The following RFX5 variants were observed in gnomAD, a reference collection of about 807,000 sequenced individuals.
RFX5 encodes the protein regulatory factor X5.
RFX5 carries 30 observed loss-of-function variants against 41.2 expected under a neutral mutation model. The ratio of observed to expected loss-of-function variants is 0.73; its 90% CI spans 0.54 to 0.99. RFX5 has a LOEUF of 0.99. Ranked by LOEUF, RFX5 falls within the 50% of genes least tolerant of loss-of-function variation. RFX5 has a pLI of 0.00. For synonymous variants in RFX5, 231 were observed against 291.8 expected, an observed-to-expected ratio of 0.79 and a Z score of 2.12; for missense variants, 715 against 773.6, an observed-to-expected ratio of 0.92 and a Z score of 0.90.
rs1650400728 is a variant in RFX5 at position 151,340,979 on chromosome 1, G to C, written c.*1207C>G. 6.6e-6 allele frequency: 1 copy of C among 152,600 alleles called. No individual in the cohort carries two copies. The highest frequency in any genetic ancestry group is 2.4e-5 in the African/African-American group (1 of 41,428). The allele number at this position is 152,600 out of a possible 1,614,324, so 9.5% of individuals were successfully genotyped here. A position where few individuals can be genotyped will look rare whatever the true frequency, so the allele number is the denominator to read the frequency against. On this transcript the variant is annotated 3_prime_UTR_variant, in exon 11 of 11. Transcript: ENST00000452671. ...TTGGTGCCGCCTGACCACAGAACTAGCTTTTTCCGTGACATCTAACCTAAA... is the reference window on the plus strand; with the variant it reads ...TTGGTGCCGCCTGACCACAGAACTACCTTTTTCCGTGACATCTAACCTAAA...
At position 151,343,193 on chromosome 1, in the gene RFX5, G is replaced by C. The variant is rs377295214; in HGVS notation, c.859-15C>G. On this transcript the variant is annotated splice_polypyrimidine_tract_variant and intron_variant, in intron 10 of 10. Transcript: ENST00000452671. The stretch of plus-strand genomic sequence containing the variant: ...TCCTTAGGAGGCTAAAAAGTAAAGA[G>C]AGGAACACAGTAAGGTGTGAAGAAT... 12 of 1,610,920 alleles carry C rather than the reference G, an allele frequency of 7.4e-6. No individual in the cohort carries two copies. The African/African-American group carries it at 1.6e-4, about 22-fold the overall frequency.
intron 4 of RFX5, chr1:151,345,470 G>C (rs1301129689): frequency 2.6e-6 from 1 of 381,172 alleles, no homozygotes; most frequent in Admixed American, 3.8e-5. Context: ...AAATTAGCTG[G>C]GTGTGGTGAC....
At position 151,340,856 on chromosome 1, in the gene RFX5, G is replaced by A. The variant is rs886045276; in HGVS notation, c.*1330C>T. 4.6e-5 allele frequency: 7 copies of A among 152,574 alleles called. No homozygotes were observed. The highest frequency in any genetic ancestry group is 1.0e-4 in the Non-Finnish European group (7 of 68,030). The allele number at this position is 152,574 out of a possible 1,614,324, so 9.5% of individuals were successfully genotyped here. On this transcript the variant is annotated 3_prime_UTR_variant, in exon 11 of 11. Transcript: ENST00000452671. ...GAAGAACCAAGATTCCCTGACAGAA[G>A]CTACCCTATGTAGAGGACAAAGTAG...
At chr1:151,344,306 C>T (rs779878988) in intron 7 of RFX5, 28 bp from the exon 8 acceptor site, 1 of 1,613,938 alleles carries the variant, frequency 6.2e-7, no homozygotes. Flanking sequence ...GCAGCCAACA[C>T]ATGGCGATCT....
rs751706183 is a variant in RFX5 at position 151,346,369 on chromosome 1, C to A, written c.-13-36G>T. 1.9e-6 allele frequency: 3 copies of A among 1,547,800 alleles called. 1 individual carries two copies. In the South Asian group the frequency reaches 3.3e-5, roughly 17 times the overall value. On this transcript the variant is annotated intron_variant, in intron 2 of 10. Coordinates refer to ENST00000452671, the MANE Select transcript of RFX5 (RefSeq NM_001025603.2). ...GAGGGACAGGCATAAAGATGTAACT[C>A]ACACTGGCCTTCCCTTCCCCAGAAG...
rs1477258437 is a variant in RFX5, at chr1:151,346,202, T to TA, written c.116+2dup. The TA allele has an allele frequency of 1.2e-6, 2 of 1,613,720 alleles. No homozygotes were observed. The highest frequency in any genetic ancestry group is 1.7e-6 in the Non-Finnish European group (2 of 1,179,748). Reference sequence around the variant, plus strand: ...AGGACTTGGAGATGTGATGAGTACTTACGAAATGGTACCTCGGAGCCTCTG... The same window carrying TA: ...AGGACTTGGAGATGTGATGAGTACTTAACGAAATGGTACCTCGGAGCCTCTG... On this transcript the variant is annotated splice_region_variant and intron_variant, in intron 3 of 10. Transcript: ENST00000452671.
In RFX5 at chr1:151,343,137, G is replaced by A. The variant is rs2233853; in HGVS notation, c.900C>T (p.Leu300=). ...DLEARTGAGP[L]ARGERKKSVV... ...CACTCTTCTTCCGCTCTCCACGTGC[G>A]AGAGGACCGGCCCCAGTTCGGGCTT... The change falls in exon 11 of 11, where the codon CTC becomes CTT. Residue 300 remains leucine (L), a synonymous_variant. Coordinates refer to ENST00000452671, the MANE Select transcript of RFX5 (RefSeq NM_001025603.2). 2,410 of 1,611,864 alleles carry A rather than the reference G, an allele frequency of 1.5e-3. 39 individuals are homozygous for A. The African/African-American group carries it at 0.028, about 19-fold the overall frequency.
chr1:151,346,573 C>T lies in RFX5; in HGVS notation c.-98G>A, dbSNP rs1317872214. On this transcript the variant is annotated 5_prime_UTR_variant, in exon 2 of 11. Coordinates refer to ENST00000452671, the MANE Select transcript of RFX5 (RefSeq NM_001025603.2). ...ATCTTTGCCATCTCCATTCTATCTGCCCCACCTTTCTGAAGTCTCCTAAAT... is the reference window on the plus strand; with the variant it reads ...ATCTTTGCCATCTCCATTCTATCTGTCCCACCTTTCTGAAGTCTCCTAAAT... The T allele has an allele frequency of 2.1e-6, 1 of 481,404 alleles. No homozygotes were observed. Among genetic ancestry groups the T allele is most frequent in the African/African-American group, 2.0e-5 (1 of 51,054 alleles). The allele number at this position is 481,404 out of a possible 1,614,324, so 29.8% of individuals were successfully genotyped here.
chr1:151,343,712 A>G lies in RFX5; in HGVS notation c.726T>C (p.His242=), dbSNP rs762323391. 1 of 1,614,170 alleles carries G rather than the reference A, an allele frequency of 6.2e-7. No homozygotes were observed. The highest frequency in any genetic ancestry group is 8.5e-7 in the Non-Finnish European group (1 of 1,180,046). ...QQHLISARSA[H]AHVLKAMGLA... ...GCCCCATGGCCTTAAGCACATGGGC[A>G]TGTGCAGATCGGGCAGAGATGAGAT... is the stretch of plus-strand genomic sequence containing the variant. Residue 242 remains histidine (H), a synonymous_variant, in exon 9 of 11, where the codon CAT becomes CAC. Coordinates refer to ENST00000452671, the MANE Select transcript of RFX5 (RefSeq NM_001025603.2).
At chr1:151,345,794 A>G in intron 4 of RFX5, 134 bp downstream of exon 4, 1 of 1,321,612 alleles carries the variant, frequency 7.6e-7, no homozygotes, top group Non-Finnish European at 1.1e-6. Flanking sequence ...GCAAGTTTGC[A>G]AAGCCAACTA....
intron 7 of RFX5, 44 bp from the exon 8 acceptor site, chr1:151,344,322 C>A (rs971805968): frequency 1.2e-6 from 2 of 1,613,862 alleles, no homozygotes; most frequent in Non-Finnish European, 1.7e-6. Context: ...GATCTCCAAG[C>A]CCCTCGAGCA....
Position 151,341,603 on chromosome 1 carries a change from A to C in RFX5, c.*583T>G. ...AGTGTGAATATTAGGGCTTTTGCTG[A>C]GATTTCTGGTACAAAGATGCCTTCT... On this transcript the variant is annotated 3_prime_UTR_variant, in exon 11 of 11. Coordinates refer to ENST00000452671, the MANE Select transcript of RFX5 (RefSeq NM_001025603.2). The C allele has an allele frequency of 4.3e-6, 1 of 232,906 alleles. No individual in the cohort carries two copies. Among genetic ancestry groups the C allele is most frequent in the Admixed American group, 5.2e-5 (1 of 19,160 alleles). The allele number at this position is 232,906 out of a possible 1,614,324, so 14.4% of individuals were successfully genotyped here.
rs1650454002 is a variant in RFX5, at chr1:151,341,639, G to C, written c.*547C>G. On this transcript the variant is annotated 3_prime_UTR_variant, in exon 11 of 11. Transcript: ENST00000452671. Reference sequence around the variant, plus strand: ...ACAAAGATGCCTTCTTTTTCTGATTGGACATAAATGGGGAAAAGTGTAATC... The same window carrying C: ...ACAAAGATGCCTTCTTTTTCTGATTCGACATAAATGGGGAAAAGTGTAATC... The C allele has an allele frequency of 4.3e-6, 1 of 232,838 alleles. No homozygotes were observed. Among genetic ancestry groups the C allele is most frequent in the Non-Finnish European group, 8.6e-6 (1 of 116,374 alleles). The allele number at this position is 232,838 out of a possible 1,614,324, so 14.4% of individuals were successfully genotyped here.
At chr1:151,345,490 T>C in intron 4 of RFX5, 1 of 370,536 alleles carries the variant, frequency 2.7e-6, no homozygotes, top group South Asian at 2.3e-5. Flanking sequence ...CGGGCGCCTG[T>C]AGTCCCAGCT....
chr1:151,343,507 G>A, intron 9 of RFX5, 65 bp from the exon 10 acceptor site: 1 of 1,521,064 alleles, frequency 6.6e-7, no homozygotes. Flanking sequence ...AGGGGAGTGA[G>A]GCAATTCTGA....
chr1:151,345,560 C>A (rs992717318), intron 4 of RFX5: 21 of 346,964 alleles, frequency 6.1e-5, no homozygotes, highest in Non-Finnish European at 1.0e-4. Flanking sequence ...TGCAGTGAGC[C>A]GAGATTGCGC....
In RFX5 at chr1:151,342,575, C is replaced by G. The variant is rs1299792121; in HGVS notation, c.1462G>C (p.Ala488Pro). The G allele has an allele frequency of 6.2e-7, 1 of 1,614,192 alleles. No individual in the cohort carries two copies. The highest frequency in any genetic ancestry group is 8.5e-7 in the Non-Finnish European group (1 of 1,180,026). The change falls in exon 11 of 11, where the codon GCT becomes CCT. Residue 488 changes from alanine to proline, a missense_variant. Transcript: ENST00000452671. Reference sequence around the variant, plus strand: ...GAGGACTGGGCAGATTCCATGGCAGCTGCTGACTTGAGAGGGGTAGAATTC... The same window carrying G: ...GAGGACTGGGCAGATTCCATGGCAGGTGCTGACTTGAGAGGGGTAGAATTC... ...ERNSTPLKSA[A>P]AMESAQSSRL...
intron 8 of RFX5, 100 bp from the exon 9 acceptor site, chr1:151,343,982 G>T: frequency 1.5e-6 from 2 of 1,328,728 alleles, no homozygotes; most frequent in Non-Finnish European, 2.1e-6. Flanking sequence ...GCTGAGACCA[G>T]ACTGGGGATG....
intron 3 of RFX5, 26 bp from the exon 4 acceptor site, chr1:151,345,987 G>A (rs1467808062): frequency 6.2e-7 from 1 of 1,613,988 alleles, no homozygotes; most frequent in African/African-American, 1.3e-5. Context: ...GAAAGCTGGA[G>A]GTCACACACA....
Sources: allele counts gnomAD v4.1 joint callset, GRCh38; gene constraint gnomAD v4.1.1; transcripts MANE v1.5; gene names NCBI Gene and HGNC (gene_info 2026-07-23, HGNC 2026-07-21).